Variants in TP63 observed in about 807,000 individuals in gnomAD.
TP63 encodes tumor protein p63.
TP63 carries 17 observed loss-of-function variants against 82.8 expected under a neutral mutation model. The observed-to-expected ratio is 0.21, with a 90% CI of 0.14 to 0.31. The LOEUF (loss-of-function observed/expected upper bound fraction) is 0.31. TP63 is among the 10% of genes least tolerant of loss of function. TP63 has a pLI of 1.00. For missense variants in TP63, 648 were observed against 895.3 expected (o/e 0.72, Z 3.52); for synonymous variants, 330 against 321.7 (o/e 1.03, Z -0.28).
At chr3:189,737,239 C>A (rs144546256) in intron 1 of TP63, among the ~76,000 whole-genome samples, 1 of 151,878 alleles carries the variant, frequency 6.6e-6, no homozygotes, top group East Asian at 1.9e-4. Context: ...TCTAAGATTG[C>A]GGTTATGGGA....
intron 1 of TP63, among the ~76,000 whole-genome samples, chr3:189,696,317 G>T (rs894934007): frequency 1.1e-4 from 16 of 152,070 alleles, no homozygotes; most frequent in Non-Finnish European, 2.1e-4. Context: ...AGCCTTTTCA[G>T]ACTGGCTTTT....
At chr3:189,612,910 A>T in the TP63 span, among the ~76,000 whole-genome samples, 6 of 152,198 alleles carry the variant, frequency 3.9e-5, no homozygotes, top group Admixed American at 3.9e-4. Flanking sequence ...AATTTAGGGT[A>T]TTTGGCAGAA....
chr3:189,703,555 AG>A (rs1717979810), intron 1 of TP63, among the ~76,000 whole-genome samples: 1 of 152,142 alleles, frequency 6.6e-6, no homozygotes, highest in African/African-American at 2.4e-5. Flanking sequence ...CAGTTTGAGT[AG>A]GGTGTGCATA....
chr3:189,676,012 A>G (rs1356097387), intron 1 of TP63, among the ~76,000 whole-genome samples: 2 of 152,206 alleles, frequency 1.3e-5, no homozygotes, highest in Middle Eastern at 3.4e-3. Context: ...TATTTTGTTC[A>G]GCTTTATTGT....
chr3:189,694,790 C>CTTTTTTTTTTTT lies in TP63; in HGVS notation c.63-42928_63-42917dup, dbSNP rs71175304. Among the ~76,000 whole-genome samples, 154 of 32,756 alleles carry CTTTTTTTTTTTT rather than the reference C, an allele frequency of 4.7e-3. 46 individuals carry two copies. The highest frequency in any genetic ancestry group is 7.8e-3 in the Admixed American group (11 of 1,408). The allele number at this position is 32,756 out of a possible 152,430, so 21.5% of individuals were successfully genotyped here. ...TTGAAAGGAGGCCAGTATTTACAGC[C>CTTTTTTTTTTTT]TTTTTTTTTTTTTTTTTTTTTTTTT... On this transcript the variant is annotated intron_variant, in intron 1 of 13. Coordinates refer to ENST00000264731, the MANE Select transcript of TP63 (RefSeq NM_003722.5).
chr3:189,687,361 A>C (rs1440092268), intron 1 of TP63, among the ~76,000 whole-genome samples: 1 of 152,222 alleles, frequency 6.6e-6, no homozygotes, highest in African/African-American at 2.4e-5. Flanking sequence ...AACCAAGACA[A>C]GAAATGGAAA....
chr3:189,882,717 G>GCGC (rs1720058782), intron 10 of TP63, among the ~76,000 whole-genome samples: 1 of 152,112 alleles, frequency 6.6e-6, no homozygotes, highest in South Asian at 2.1e-4. Flanking sequence ...CAGGAATTTT[G>GCGC]ATATTCTACC....
At chr3:189,666,202 C>T (rs1163373327) in intron 1 of TP63, among the ~76,000 whole-genome samples, 1 of 151,910 alleles carries the variant, frequency 6.6e-6, no homozygotes, top group East Asian at 1.9e-4. Context: ...TTTTATTAAA[C>T]ATTATTCTTA....
chr3:189,671,583 C>T (rs752939294), intron 1 of TP63, among the ~76,000 whole-genome samples: 3 of 152,000 alleles, frequency 2.0e-5, no homozygotes, highest in South Asian at 2.1e-4. Context: ...GAGATACCTG[C>T]ACCTTTATAT....
chr3:189,616,528 A>C, the TP63 span, among the ~76,000 whole-genome samples: 2 of 152,174 alleles, frequency 1.3e-5, no homozygotes, highest in African/African-American at 4.8e-5. Flanking sequence ...TACCTCCTTC[A>C]TCCAGTCTTA....
At chr3:189,693,962 G>A (rs1460955829) in intron 1 of TP63, among the ~76,000 whole-genome samples, 2 of 152,038 alleles carry the variant, frequency 1.3e-5, no homozygotes, top group Non-Finnish European at 2.9e-5. Context: ...TTATTACATG[G>A]CCATATTGTT....
intron 4 of TP63, among the ~76,000 whole-genome samples, chr3:189,808,749 A>G (rs550613078): frequency 1.3e-5 from 2 of 152,382 alleles, no homozygotes; most frequent in South Asian, 4.1e-4. Context: ...GCTCCTGGCA[A>G]CTTCAGTCAG....
intron 3 of TP63, among the ~76,000 whole-genome samples, chr3:189,800,089 T>C (rs873595): frequency 0.084 from 12,742 of 152,182 alleles, 814 homozygotes; most frequent in Admixed American, 0.21. Flanking sequence ...TATGAAAATG[T>C]GGAACAAAAG....
At chr3:189,784,855 C>A (rs1724478887) in intron 3 of TP63, among the ~76,000 whole-genome samples, 1 of 151,966 alleles carries the variant, frequency 6.6e-6, no homozygotes, top group African/African-American at 2.4e-5. Context: ...ATTCTTATCA[C>A]CTATCTGAGG....
intron 3 of TP63, among the ~76,000 whole-genome samples, chr3:189,748,508 CAAAA>C (rs58926854): frequency 3.6e-3 from 112 of 31,260 alleles, no homozygotes; most frequent in African/African-American, 9.0e-3. Flanking sequence ...AGGAAAACTA[CAAAA>C]AAAAAAAAAA....
the TP63 span, among the ~76,000 whole-genome samples, chr3:189,618,973 G>A: frequency 6.6e-6 from 1 of 152,112 alleles, no homozygotes; most frequent in Non-Finnish European, 1.5e-5. Context: ...TTAACAGGGT[G>A]TTAAAGCCCA....
In TP63 at chr3:189,845,307, C is replaced by T. The variant is rs186183004; in HGVS notation, c.580-18925C>T. 5.9e-5 allele frequency among the ~76,000 whole-genome samples: 9 copies of T among 152,326 alleles called. No individual in the cohort carries two copies. The East Asian group carries it at 9.6e-4, about 16-fold the overall frequency. On this transcript the variant is annotated intron_variant, in intron 4 of 13. Transcript: ENST00000264731. Reference sequence around the variant, plus strand: ...TGACTAGTGGCTATCTTTTAGATAACAGTGAAGTCCTCAATGTCCTTGATA... The same window carrying T: ...TGACTAGTGGCTATCTTTTAGATAATAGTGAAGTCCTCAATGTCCTTGATA...
chr3:189,615,382 C>CA, the TP63 span, among the ~76,000 whole-genome samples: 1 of 152,188 alleles, frequency 6.6e-6, no homozygotes, highest in Non-Finnish European at 1.5e-5. Context: ...TATTTAATGT[C>CA]ACGTAGGCTT....
intron 1 of TP63, among the ~76,000 whole-genome samples, chr3:189,631,993 T>C (rs1729489641): frequency 1.3e-5 from 2 of 152,176 alleles, no homozygotes; most frequent in African/African-American, 4.8e-5. Context: ...GCCATTGTTG[T>C]ACCAAACAGA....
Sources: allele counts gnomAD v4.1 joint callset (sites outside exome capture counted in the v4.1 genomes callset), GRCh38; gene constraint gnomAD v4.1.1; transcripts MANE v1.5; gene names NCBI Gene and HGNC (gene_info 2026-07-23, HGNC 2026-07-21).